C1orf141: variants seen among roughly 807,000 people sequenced by gnomAD.
The protein encoded by C1orf141 is uncharacterized protein C1orf141.
In C1orf141, 19 loss-of-function variants were observed where a neutral mutation model predicts 23.2. That is an observed-to-expected ratio of 0.82 (90% CI 0.57 to 1.20). The LOEUF (loss-of-function observed/expected upper bound fraction) is 1.20. Ranked by LOEUF, C1orf141 falls within the 50% of genes most tolerant of loss-of-function variation. The probability of loss-of-function intolerance (pLI) is 0.00; values close to 1 mark genes in which losing one functional copy is unlikely to be tolerated. For synonymous variants in C1orf141, 153 were observed against 154.6 expected (o/e 0.99, Z 0.08); for missense variants, 469 against 455.1 (o/e 1.03, Z -0.28).
intron 5 of C1orf141, among the ~76,000 whole-genome samples, chr1:67,097,913 C>G (rs1645718594): frequency 6.6e-6 from 1 of 151,958 alleles, no homozygotes; most frequent in African/African-American, 2.4e-5. Flanking sequence ...AAAAACAGGC[C>G]CACTGACTGA....
At chr1:67,103,559 T>C (rs990236409) in intron 5 of C1orf141, among the ~76,000 whole-genome samples, 2 of 152,116 alleles carry the variant, frequency 1.3e-5, no homozygotes, top group Non-Finnish European at 2.9e-5. Context: ...AAACCTACTA[T>C]GAGATGGGCA....
At chr1:67,133,553 T>C (rs1172345076) in intron 1 of C1orf141, among the ~76,000 whole-genome samples, 1 of 152,194 alleles carries the variant, frequency 6.6e-6, no homozygotes, top group African/African-American at 2.4e-5. Context: ...TAGGCTGAAT[T>C]ATGTTGCCCC....
upstream of C1orf141, among the ~76,000 whole-genome samples, chr1:67,135,770 G>C (rs1215077208): frequency 6.6e-6 from 1 of 151,718 alleles, no homozygotes; most frequent in Non-Finnish European, 1.5e-5. Flanking sequence ...ATCATTCCAA[G>C]AATGTACCTT....
chr1:67,138,142 A>T (rs6666144), upstream of C1orf141, among the ~76,000 whole-genome samples: 132,731 of 152,240 alleles, frequency 0.87, 57,921 homozygotes, highest in East Asian at 1. Context: ...CCTTTCCATA[A>T]TAAATCCATT....
chr1:67,133,946 T>G (rs1381927680), intron 1 of C1orf141, among the ~76,000 whole-genome samples: 1 of 152,204 alleles, frequency 6.6e-6, no homozygotes, highest in African/African-American at 2.4e-5. Flanking sequence ...GAGAACTAAT[T>G]TAAAAACCCG....
chr1:67,121,905 C>T (rs1646306631), intron 4 of C1orf141: 2 of 152,188 alleles, frequency 1.3e-5, no homozygotes, highest in Non-Finnish European at 2.9e-5. Flanking sequence ...ATTTCAGCTC[C>T]CTGTGTCATT....
chr1:67,131,986 T>C (rs1350803454), intron 1 of C1orf141, among the ~76,000 whole-genome samples: 1 of 151,444 alleles, frequency 6.6e-6, no homozygotes, highest in Non-Finnish European at 1.5e-5. Flanking sequence ...GGTTTCACCA[T>C]ATTGGCCAGG....
intron 3 of C1orf141, among the ~76,000 whole-genome samples, chr1:67,126,232 C>A (rs1646411204): frequency 1.3e-5 from 2 of 152,140 alleles, no homozygotes; most frequent in South Asian, 4.1e-4. Context: ...ACATAGAGTT[C>A]TTGGAACCAT....
At chr1:67,133,445 A>T (rs1462588188) in intron 1 of C1orf141, among the ~76,000 whole-genome samples, 2 of 152,248 alleles carry the variant, frequency 1.3e-5, no homozygotes, top group Non-Finnish European at 2.9e-5. Flanking sequence ...CTCAATAATT[A>T]GATAACTGGC....
rs182144884 is a variant in C1orf141, at chr1:67,116,872, C to T, written c.234-1408G>A. On this transcript the variant is annotated intron_variant, in intron 4 of 7. Transcript: ENST00000684719. ...TTCCACCTCTTCAGAAAGAACTTTC[C>T]AGCCCACCCCACTTCCCCCATCTAA... Among the ~76,000 whole-genome samples, 19 of 152,278 alleles carry T rather than the reference C, an allele frequency of 1.2e-4. 1 individual carries two copies. The East Asian group carries it at 2.3e-3, about 19-fold the overall frequency.
At chr1:67,099,640 G>A (rs560605492) in intron 5 of C1orf141, among the ~76,000 whole-genome samples, 14 of 152,250 alleles carry the variant, frequency 9.2e-5, no homozygotes, top group East Asian at 3.9e-4. Context: ...TTAGCCAGGC[G>A]TGGTGGTGCA....
chr1:67,128,488 G>A (rs1219488796), intron 2 of C1orf141, among the ~76,000 whole-genome samples: 1 of 152,020 alleles, frequency 6.6e-6, no homozygotes, highest in Non-Finnish European at 1.5e-5. Flanking sequence ...CAGATCACTT[G>A]AGGTCAGGAG....
intron 2 of C1orf141, among the ~76,000 whole-genome samples, chr1:67,127,981 A>G (rs576911702): frequency 5.3e-5 from 8 of 152,116 alleles, no homozygotes; most frequent in Non-Finnish European, 8.8e-5. Context: ...TCATGATATA[A>G]TTTTAATGAA....
chr1:67,105,763 C>T (rs1254000652), intron 5 of C1orf141, among the ~76,000 whole-genome samples: 1 of 152,154 alleles, frequency 6.6e-6, no homozygotes, highest in Non-Finnish European at 1.5e-5. Flanking sequence ...AACTGACTTG[C>T]ATGGGGTGGA....
intron 2 of C1orf141, among the ~76,000 whole-genome samples, chr1:67,128,463 G>T (rs970875101): frequency 3.9e-5 from 6 of 152,010 alleles, no homozygotes; most frequent in African/African-American, 1.5e-4. Context: ...CAGCACTTTG[G>T]GAGGCCGAGG....
intron 3 of C1orf141, among the ~76,000 whole-genome samples, chr1:67,126,895 TTA>T (rs1233721037): frequency 6.6e-6 from 1 of 152,226 alleles, no homozygotes; most frequent in African/African-American, 2.4e-5. Flanking sequence ...CATAGCAGCT[TTA>T]TTTTATTTTT....
chr1:67,118,217 T>G lies in C1orf141; in HGVS notation c.234-2753A>C, dbSNP rs368840684. The stretch of plus-strand genomic sequence containing the variant: ...CTGAGTAAAAAGGAGCAATACATAC[T>G]CTGTATTCTACAAAGATCCACCAAT... On this transcript the variant is annotated intron_variant, in intron 4 of 7. Transcript: ENST00000684719. Among the ~76,000 whole-genome samples, 97 of 152,296 alleles carry G rather than the reference T, an allele frequency of 6.4e-4. 1 individual carries two copies. Among genetic ancestry groups the G allele is most frequent in the African/African-American group, 2.2e-3 (92 of 41,576 alleles).
chr1:67,096,754 G>A (rs935698405), intron 5 of C1orf141, among the ~76,000 whole-genome samples: 1 of 152,164 alleles, frequency 6.6e-6, no homozygotes, highest in Non-Finnish European at 1.5e-5. Flanking sequence ...ATGTCTGGTG[G>A]CCACTCCAGC....
intron 2 of C1orf141, among the ~76,000 whole-genome samples, chr1:67,127,642 T>C (rs1034168396): frequency 7.2e-5 from 11 of 152,002 alleles, no homozygotes; most frequent in African/African-American, 2.2e-4. Context: ...AATTTTGTCG[T>C]TGTTGTTGTT....
Sources: gnomAD v4.1 joint callset for allele counts (sites outside exome capture counted in the v4.1 genomes callset) on GRCh38, gnomAD v4.1.1 for gene constraint, MANE v1.5 for transcripts, NCBI Gene and HGNC (gene_info 2026-07-23, HGNC 2026-07-21) for gene names.